Variants in ZNF268 observed in about 807,000 individuals in gnomAD.
The protein encoded by ZNF268 is zinc finger protein 268.
ZNF268 carries 20 observed loss-of-function variants against 29.3 expected under a neutral mutation model. That is an observed-to-expected ratio of 0.68 (90% CI 0.48 to 0.99). The LOEUF (loss-of-function observed/expected upper bound fraction) is 0.99. ZNF268 is among the 50% of genes least tolerant of loss of function. ZNF268 has a pLI of 0.00. For synonymous variants in ZNF268, 429 were observed against 376.9 expected (o/e 1.14, Z -1.60); for missense variants, 1,240 against 1,121.6 (o/e 1.11, Z -1.51).
intron 5 of ZNF268, among the ~76,000 whole-genome samples, chr12:133,196,319 TAAAAAAAAA>T (rs58218652): frequency 1.2e-4 from 12 of 100,970 alleles, no homozygotes; most frequent in African/African-American, 3.5e-4. Context: ...AGACTCCATC[TAAAAAAAAA>T]AAAAAAAAAA....
At chr12:133,192,061 T>G (rs756224933) in intron 5 of ZNF268, 58 bp downstream of exon 5, 1 of 1,420,276 alleles carries the variant, frequency 7.0e-7, no homozygotes, top group Middle Eastern at 1.8e-4. Context: ...AATTCCAATG[T>G]GATGTGCTCC....
chr12:133,183,234 G>C (rs1282930292), intron 2 of ZNF268, among the ~76,000 whole-genome samples: 1 of 152,176 alleles, frequency 6.6e-6, no homozygotes, highest in Non-Finnish European at 1.5e-5. Context: ...TATAGGGGAA[G>C]GAGTTTACTT....
At position 133,211,162 on chromosome 12, in the gene ZNF268, A is replaced by C. The variant is rs1956973516; in HGVS notation, c.*6632A>C. 2.8e-6 allele frequency: 1 copy of C among 358,704 alleles called. No individual in the cohort carries two copies. Among genetic ancestry groups the C allele is most frequent in the African/African-American group, 2.1e-5 (1 of 46,740 alleles). 22.2% of individuals were successfully genotyped at this position (358,704 alleles called of 1,614,324 possible). ...TAGCAATAATTGGAATTTGTAATGA[A>C]TAAAATCATTCAAAAAAATCTGAAA... is the stretch of plus-strand genomic sequence containing the variant. On this transcript the variant is annotated 3_prime_UTR_variant, in exon 6 of 6. Transcript: ENST00000536435.
At position 133,202,640 on chromosome 12, in the gene ZNF268, C is replaced by T. The variant is rs1345524086; in HGVS notation, c.954C>T (p.Tyr318=). Residue 318 remains tyrosine (Y), a synonymous_variant, in exon 6 of 6, where the codon TAC becomes TAT. Coordinates refer to ENST00000536435, the MANE Select transcript of ZNF268 (RefSeq NM_003415.3). The stretch of plus-strand genomic sequence containing the variant: ...GGAAAGACTTCAGTAGTAAATCATA[C>T]CTCATTGTACATCAGAGAATTCATA... ...ECGKDFSSKS[Y]LIVHQRIHTG... 1.9e-6 allele frequency: 3 copies of T among 1,605,100 alleles called. No individual in the cohort carries two copies. Among genetic ancestry groups the T allele is most frequent in the East Asian group, 2.2e-5 (1 of 44,642 alleles).
At chr12:133,195,956 C>T (rs572472465) in intron 5 of ZNF268, among the ~76,000 whole-genome samples, 163 of 151,008 alleles carry the variant, frequency 1.1e-3, no homozygotes, top group African/African-American at 3.9e-3. Flanking sequence ...CAGGTGATCC[C>T]GCCTCAGCCT....
chr12:133,189,271 G>A (rs1462498750), intron 3 of ZNF268, among the ~76,000 whole-genome samples: 1 of 146,424 alleles, frequency 6.8e-6, no homozygotes, highest in African/African-American at 2.6e-5. Context: ...CTGGAGTGCA[G>A]TGGCACAATC....
chr12:133,186,504 G>C (rs1956319296), intron 2 of ZNF268, among the ~76,000 whole-genome samples: 1 of 151,582 alleles, frequency 6.6e-6, no homozygotes, highest in Non-Finnish European at 1.5e-5. Flanking sequence ...CTCCCAAGTA[G>C]CTGGGGCTAC....
rs1021567091 is a variant in ZNF268, at chr12:133,203,848, A to T, written c.2162A>T (p.Glu721Val). ...ATACATATGAGAACTCATACAGGAGAGAAACCACATGAGTGCAGGGAATGC... is the reference window on the plus strand; with the variant it reads ...ATACATATGAGAACTCATACAGGAGTGAAACCACATGAGTGCAGGGAATGC... ...LIIHMRTHTG[E>V]KPHECRECGK... Residue 721 changes from glutamate (E) to valine (V), a missense_variant, in exon 6 of 6, where the codon GAG (glutamate) becomes GTG (valine). Transcript: ENST00000536435. The T allele has an allele frequency of 1.3e-6, 2 of 1,566,344 alleles. No homozygotes were observed. Among genetic ancestry groups the T allele is most frequent in the Admixed American group, 1.9e-5 (1 of 53,420 alleles).
At chr12:133,201,371 T>C (rs904630333) in intron 5 of ZNF268, among the ~76,000 whole-genome samples, 1 of 152,084 alleles carries the variant, frequency 6.6e-6, no homozygotes, top group African/African-American at 2.4e-5. Context: ...CTATATCCTC[T>C]GTCATTTCTT....
chr12:133,181,933 C>T lies in ZNF268; in HGVS notation c.-52-13C>T, dbSNP rs927977181. On this transcript the variant is annotated splice_polypyrimidine_tract_variant and intron_variant, in intron 1 of 5. Coordinates refer to ENST00000536435, the MANE Select transcript of ZNF268 (RefSeq NM_003415.3). ...CTGGGTGACCTCTTTCTTCACTGTG[C>T]TCTCTCTTCTAGCATCCCTCGCGTC... 2.6e-6 allele frequency: 4 copies of T among 1,530,858 alleles called. No individual in the cohort carries two copies. The highest frequency in any genetic ancestry group is 1.7e-4 in the Middle Eastern group (1 of 5,864). The allele number at this position is 1,530,858 out of a possible 1,614,324, so 94.8% of individuals were successfully genotyped here.
rs1464155096 is a variant in ZNF268 at position 133,212,397 on chromosome 12, A to G, written c.*7867A>G. 2.1e-5 allele frequency: 3 copies of G among 145,898 alleles called. No homozygotes were observed. The highest frequency in any genetic ancestry group is 4.5e-5 in the Non-Finnish European group (3 of 66,356). The allele number at this position is 145,898 out of a possible 1,614,324, so 9.0% of individuals were successfully genotyped here. A position where few individuals can be genotyped will look rare whatever the true frequency, so the allele number is the denominator to read the frequency against. ...AGAGCAGGGTGTTCTTTCATCACAC[A>G]TGAAATTATTTCAGGATCAGTTCCA... On this transcript the variant is annotated 3_prime_UTR_variant, in exon 6 of 6. Coordinates refer to ENST00000536435, the MANE Select transcript of ZNF268 (RefSeq NM_003415.3).
In ZNF268 at chr12:133,207,216, A is replaced by C. The variant is rs888230866; in HGVS notation, c.*2686A>C. The C allele has an allele frequency of 1.3e-5, 2 of 152,256 alleles. No homozygotes were observed. The highest frequency in any genetic ancestry group is 4.8e-5 in the African/African-American group (2 of 41,460). 9.4% of individuals were successfully genotyped at this position (152,256 alleles called of 1,614,324 possible). A position where few individuals can be genotyped will look rare whatever the true frequency, so the allele number is the denominator to read the frequency against. On this transcript the variant is annotated 3_prime_UTR_variant, in exon 6 of 6. Coordinates refer to ENST00000536435, the MANE Select transcript of ZNF268 (RefSeq NM_003415.3). ...GAATAGTTATTATAAGGAAAATCCA[A>C]GGAAAAATAACCCCAATATTTTACA...
intron 5 of ZNF268, among the ~76,000 whole-genome samples, chr12:133,195,205 C>T (rs935620049): frequency 4.6e-5 from 7 of 152,150 alleles, no homozygotes; most frequent in Non-Finnish European, 1.5e-5. Context: ...CCTTTTCCGT[C>T]ATCATCTGTG....
In ZNF268 at chr12:133,213,545, A is replaced by T. The variant is rs571849479; in HGVS notation, c.*9015A>T. 6.6e-6 allele frequency: 1 copy of T among 152,002 alleles called. No homozygotes were observed. Among genetic ancestry groups the T allele is most frequent in the African/African-American group, 2.4e-5 (1 of 41,484 alleles). The allele number at this position is 152,002 out of a possible 1,614,324, so 9.4% of individuals were successfully genotyped here. A position where few individuals can be genotyped will look rare whatever the true frequency, so the allele number is the denominator to read the frequency against. ...CTAAAAATAAAAAAAAAGAGAAAAA[A>T]AAAAGCCGGGTGTGGTGGCATGTGC... is the stretch of plus-strand genomic sequence containing the variant. On this transcript the variant is annotated 3_prime_UTR_variant, in exon 6 of 6. Transcript: ENST00000536435.
chr12:133,188,150 C>T (rs1956371748), intron 3 of ZNF268, 78 bp downstream of exon 3: 2 of 1,325,862 alleles, frequency 1.5e-6, no homozygotes, highest in South Asian at 1.4e-5. Context: ...GATGGAGATC[C>T]TTAGGTCAGA....
In ZNF268 at chr12:133,208,945, A is replaced by AT. The variant is rs36152335; in HGVS notation, c.*4432dup. The AT allele has an allele frequency of 0.034, 4,420 of 130,508 alleles. 179 individuals are homozygous for AT. The highest frequency in any genetic ancestry group is 0.083 in the Admixed American group (1,010 of 12,112). 8.1% of individuals were successfully genotyped at this position (130,508 alleles called of 1,614,324 possible). ...GCTCCTTATATGGCATAGTATTTGC[A>AT]TTTTTTTTTTTTTTTTTGAGATGGA... On this transcript the variant is annotated 3_prime_UTR_variant, in exon 6 of 6. Transcript: ENST00000536435.
chr12:133,184,174 T>G (rs1398212727), intron 2 of ZNF268, among the ~76,000 whole-genome samples: 7 of 151,766 alleles, frequency 4.6e-5, no homozygotes, highest in Non-Finnish European at 8.8e-5. Context: ...GGCGCGATCT[T>G]GGCTCACTGC....
In ZNF268 at chr12:133,193,539, G is replaced by A. The variant is rs921825726; in HGVS notation, c.457+1536G>A. 8 of 678,724 alleles carry A rather than the reference G, an allele frequency of 1.2e-5. No individual in the cohort carries two copies. The African/African-American group carries it at 1.4e-4, about 12-fold the overall frequency. The allele number at this position is 678,724 out of a possible 1,614,324, so 42.0% of individuals were successfully genotyped here. A position where few individuals can be genotyped will look rare whatever the true frequency, so the allele number is the denominator to read the frequency against. On this transcript the variant is annotated intron_variant, in intron 5 of 5. Coordinates refer to ENST00000536435, the MANE Select transcript of ZNF268 (RefSeq NM_003415.3). ...TGTTGCTGCATCCTCTGGAGGTGAG[G>A]AACACTGTGGGACAGAAAGAGGGGC...
intron 2 of ZNF268, among the ~76,000 whole-genome samples, chr12:133,187,278 C>T (rs938201232): frequency 5.3e-5 from 8 of 151,194 alleles, no homozygotes; most frequent in Non-Finnish European, 1.0e-4. Context: ...GAATTTTTTT[C>T]CTAATTTATT....
Sources: allele counts gnomAD v4.1 joint callset (sites outside exome capture counted in the v4.1 genomes callset), GRCh38; gene constraint gnomAD v4.1.1; transcripts MANE v1.5; gene names NCBI Gene and HGNC (gene_info 2026-07-23, HGNC 2026-07-21).